The following SLC28A3 variants were observed in gnomAD, a reference collection of about 807,000 sequenced individuals.
The protein encoded by SLC28A3 is concentrative Na(+)-nucleoside cotransporter 3.
SLC28A3 carries 68 observed loss-of-function variants against 84.2 expected under a neutral mutation model. The ratio of observed to expected loss-of-function variants is 0.81; its 90% CI spans 0.66 to 0.99. The LOEUF (loss-of-function observed/expected upper bound fraction) is 0.99. Ranked by LOEUF, SLC28A3 falls within the 50% of genes least tolerant of loss-of-function variation. The pLI is 0.00. For synonymous variants in SLC28A3, 267 were observed against 303.6 expected (o/e 0.88, Z 1.25); for missense variants, 712 against 841.5 (o/e 0.85, Z 1.90).
chr9:84,315,832 A>G (rs983166207), intron 1 of SLC28A3, among the ~76,000 whole-genome samples: 2 of 152,152 alleles, frequency 1.3e-5, no homozygotes, highest in African/African-American at 4.8e-5. Flanking sequence ...TCTTAGCTCA[A>G]TGTTTCTTTC....
At chr9:84,332,530 A>T (rs537704415) in intron 1 of SLC28A3, among the ~76,000 whole-genome samples, 2 of 152,310 alleles carry the variant, frequency 1.3e-5, no homozygotes, top group Non-Finnish European at 2.9e-5. Context: ...AACTAAAAAA[A>T]TAATAATTGG....
At chr9:84,308,851 T>C (rs1355640015) in intron 3 of SLC28A3, among the ~76,000 whole-genome samples, 1 of 152,180 alleles carries the variant, frequency 6.6e-6, no homozygotes, top group East Asian at 1.9e-4. Context: ...AAAATAAAGA[T>C]ACTAATCTTG....
chr9:84,339,908 C>T (rs1210763511), intron 1 of SLC28A3, among the ~76,000 whole-genome samples: 1 of 152,212 alleles, frequency 6.6e-6, no homozygotes, highest in Non-Finnish European at 1.5e-5. Context: ...ATTGTTGACA[C>T]TTGCCGGTGC....
At chr9:84,302,046 G>A (rs1825652289) in intron 5 of SLC28A3, among the ~76,000 whole-genome samples, 154 bp downstream of exon 5, 2 of 152,114 alleles carry the variant, frequency 1.3e-5, no homozygotes, top group African/African-American at 4.8e-5. Context: ...TTTCCTGTTT[G>A]TAAAATGAAG....
the SLC28A3 span, among the ~76,000 whole-genome samples, chr9:84,347,764 G>A: frequency 1.3e-5 from 2 of 152,152 alleles, no homozygotes; most frequent in African/African-American, 2.4e-5. Flanking sequence ...AGCTATAGAA[G>A]GGCAGGAATT....
intron 8 of SLC28A3, among the ~76,000 whole-genome samples, chr9:84,296,301 T>C (rs897202563): frequency 6.6e-6 from 1 of 152,220 alleles, no homozygotes; most frequent in African/African-American, 2.4e-5. Context: ...CTGTATAAAC[T>C]GCAGGCTTCT....
chr9:84,280,165 G>T, intron 15 of SLC28A3, 92 bp from the exon 16 acceptor site: 1 of 1,149,514 alleles, frequency 8.7e-7, no homozygotes, highest in Non-Finnish European at 1.2e-6. Flanking sequence ...CTGGGCTCAG[G>T]TCAGCTGACT....
chr9:84,314,906 G>A (rs538282954), intron 1 of SLC28A3, among the ~76,000 whole-genome samples: 6 of 152,158 alleles, frequency 3.9e-5, no homozygotes, highest in East Asian at 1.9e-4. Context: ...GTGAAACCCC[G>A]TCTCTACTAA....
rs1824578822 is a variant in SLC28A3, at chr9:84,277,846, C to T, written c.*372G>A. 1 of 189,064 alleles carries T rather than the reference C, an allele frequency of 5.3e-6. No homozygotes were observed. The highest frequency in any genetic ancestry group is 1.1e-5 in the Non-Finnish European group (1 of 90,342). 11.7% of individuals were successfully genotyped at this position (189,064 alleles called of 1,614,324 possible). The stretch of plus-strand genomic sequence containing the variant: ...TGTGCTTAAACTGAGTCACCCTGGA[C>T]TACTTAGTGGACACTAAGTGGGTGT... On this transcript the variant is annotated 3_prime_UTR_variant, in exon 18 of 18. Transcript: ENST00000376238.
chr9:84,310,253 G>A lies in SLC28A3; in HGVS notation c.157-539C>T, dbSNP rs1057083406. On this transcript the variant is annotated intron_variant, in intron 2 of 17. Transcript: ENST00000376238. ...ATCCTTTTATCAGTTGGGCTAAAGG[G>A]GACTATTTCCCTTACTCAGCTAGCC... Among the ~76,000 whole-genome samples, 6 of 152,118 alleles carry A rather than the reference G, an allele frequency of 3.9e-5. No individual in the cohort carries two copies. The East Asian group carries it at 7.7e-4, about 20-fold the overall frequency.
At chr9:84,345,189 C>T (rs1827229002), upstream of SLC28A3, among the ~76,000 whole-genome samples, 1 of 151,450 alleles carries the variant, frequency 6.6e-6, no homozygotes, top group Middle Eastern at 3.4e-3. Context: ...TTAGTTCTTC[C>T]CCATCATTGC....
intron 14 of SLC28A3, among the ~76,000 whole-genome samples, chr9:84,284,356 T>C (rs546772384): frequency 1.6e-4 from 24 of 152,250 alleles, no homozygotes; most frequent in Middle Eastern, 3.4e-3. Flanking sequence ...GCCCCAGCTG[T>C]AAAATATAAA....
chr9:84,356,842 T>TAAATA, the SLC28A3 span, among the ~76,000 whole-genome samples: 18 of 151,514 alleles, frequency 1.2e-4, no homozygotes, highest in East Asian at 3.9e-4. Context: ...AAAAAATAAA[T>TAAATA]AAATAAAATA....
chr9:84,352,679 G>A, the SLC28A3 span, among the ~76,000 whole-genome samples: 1 of 151,460 alleles, frequency 6.6e-6, no homozygotes, highest in South Asian at 2.1e-4. Context: ...GTGGCCAGGA[G>A]TTTGAGACCA....
At chr9:84,317,944 A>G (rs12347156) in intron 1 of SLC28A3, among the ~76,000 whole-genome samples, 16,569 of 152,156 alleles carry the variant, frequency 0.11, 2,950 homozygotes, top group African/African-American at 0.37. Flanking sequence ...ATCATACCCC[A>G]CTTCAACTCT....
rs752828191 is a variant in SLC28A3 at position 84,288,173 on chromosome 9, T to C, written c.1155A>G (p.Pro385=). Residue 385 remains proline (P), a synonymous_variant, in exon 12 of 18, where the codon CCA becomes CCG. Transcript: ENST00000376238. The part of the protein sequence containing the change: ...VLGAYISFGV[P]SSHLLTASVM... ...CTGACGCTGTTAACAAGTGGGAGGA[T>C]GGAACCTGCAATTTCAGAAGAAAGA... The C allele has an allele frequency of 6.2e-7, 1 of 1,613,906 alleles. No individual in the cohort carries two copies. The highest frequency in any genetic ancestry group is 1.3e-5 in the African/African-American group (1 of 74,934).
chr9:84,357,080 C>T, the SLC28A3 span, among the ~76,000 whole-genome samples: 1 of 152,174 alleles, frequency 6.6e-6, no homozygotes, highest in African/African-American at 2.4e-5. Flanking sequence ...CCCTGCTAGA[C>T]TGTCAGCTTC....
At chr9:84,356,395 G>A in the SLC28A3 span, among the ~76,000 whole-genome samples, 2 of 152,266 alleles carry the variant, frequency 1.3e-5, no homozygotes, top group African/African-American at 4.8e-5. Context: ...GTGGCCTATG[G>A]GGAGAAAGGT....
At chr9:84,332,801 G>A (rs1355753250) in intron 1 of SLC28A3, among the ~76,000 whole-genome samples, 1 of 152,290 alleles carries the variant, frequency 6.6e-6, no homozygotes, top group African/African-American at 2.4e-5. Context: ...GAGAAGCAAC[G>A]TTTCCTAAAT....
Sources: gnomAD v4.1 joint callset for allele counts (sites outside exome capture counted in the v4.1 genomes callset) on GRCh38, gnomAD v4.1.1 for gene constraint, MANE v1.5 for transcripts, NCBI Gene and HGNC (gene_info 2026-07-23, HGNC 2026-07-21) for gene names.